The following DNAJC3 variants were observed in gnomAD, a reference collection of about 807,000 sequenced individuals.
DNAJC3 encodes DnaJ heat shock protein family (Hsp40) member C3.
A neutral mutation model predicts 68.6 loss-of-function variants in DNAJC3; 38 were observed. The observed-to-expected ratio is 0.55, with a 90% CI of 0.43 to 0.73. DNAJC3 has a LOEUF of 0.73. Ranked by LOEUF, DNAJC3 falls within the 30% of genes least tolerant of loss-of-function variation. The probability of loss-of-function intolerance (pLI) is 0.00; values close to 1 mark genes in which losing one functional copy is unlikely to be tolerated. For missense variants in DNAJC3, 526 were observed against 591.9 expected, an observed-to-expected ratio of 0.89 and a Z score of 1.16; for synonymous variants, 203 against 204.0, an observed-to-expected ratio of 1.00 and a Z score of 0.04.
intron 1 of DNAJC3, among the ~76,000 whole-genome samples, chr13:95,680,422 C>T (rs1879882621): frequency 6.6e-6 from 1 of 152,054 alleles, no homozygotes; most frequent in African/African-American, 2.4e-5. Context: ...TTGAACCTAA[C>T]CTATTAAAGG....
intron 9 of DNAJC3, 24 bp from the exon 10 acceptor site, chr13:95,785,915 A>G (rs1452420507): frequency 6.4e-7 from 1 of 1,553,360 alleles, no homozygotes; most frequent in African/African-American, 1.4e-5. Context: ...CCTTAACAAT[A>G]TTATCTTAAA....
At chr13:95,694,239 A>G (rs1279974403) in intron 1 of DNAJC3, 1 of 152,528 alleles carries the variant, frequency 6.6e-6, no homozygotes, top group Non-Finnish European at 1.5e-5. Context: ...TTCCTCAAAT[A>G]TCATATTTGA....
chr13:95,708,217 C>A (rs76207658), intron 1 of DNAJC3, among the ~76,000 whole-genome samples: 3,295 of 152,298 alleles, frequency 0.022, 57 homozygotes, highest in Middle Eastern at 0.085. Flanking sequence ...ACTGACAAAG[C>A]ATAACATTGT....
At chr13:95,752,323 T>A (rs1458744644) in intron 4 of DNAJC3, among the ~76,000 whole-genome samples, 1 of 152,232 alleles carries the variant, frequency 6.6e-6, no homozygotes, top group African/African-American at 2.4e-5. Context: ...GTTAATGTAT[T>A]TTTTGTGTAA....
intron 1 of DNAJC3, among the ~76,000 whole-genome samples, chr13:95,705,735 C>T (rs1374422794): frequency 6.6e-6 from 1 of 152,064 alleles, no homozygotes; most frequent in Non-Finnish European, 1.5e-5. Context: ...GATGAGGTCT[C>T]ATTATGTTGC....
At chr13:95,788,761 C>T (rs1335192655) in intron 11 of DNAJC3, among the ~76,000 whole-genome samples, 2 of 152,184 alleles carry the variant, frequency 1.3e-5, no homozygotes, top group African/African-American at 4.8e-5. Flanking sequence ...GCCATTATCA[C>T]CCCCACCCCT....
intron 4 of DNAJC3, among the ~76,000 whole-genome samples, chr13:95,734,741 T>C (rs1281326096): frequency 1.3e-5 from 2 of 152,120 alleles, no homozygotes; most frequent in Non-Finnish European, 2.9e-5. Flanking sequence ...ATTTTTCTGA[T>C]TGGCTTATTT....
intron 4 of DNAJC3, among the ~76,000 whole-genome samples, chr13:95,753,281 G>A (rs1474164455): frequency 6.6e-6 from 1 of 151,884 alleles, no homozygotes. Context: ...CTCACCCCCT[G>A]ACTTGTATAC....
intron 2 of DNAJC3, among the ~76,000 whole-genome samples, chr13:95,720,766 C>T (rs948432843): frequency 4.6e-5 from 7 of 151,938 alleles, no homozygotes; most frequent in East Asian, 3.9e-4. Flanking sequence ...ATGTTAGTGA[C>T]GCTTAGCTGG....
chr13:95,735,648 G>A (rs1482850187), intron 4 of DNAJC3, among the ~76,000 whole-genome samples: 33 of 149,818 alleles, frequency 2.2e-4, no homozygotes, highest in South Asian at 6.4e-4. Context: ...CATGTCCTTC[G>A]CCCACTTTTT....
chr13:95,710,899 C>T (rs1477728714), intron 2 of DNAJC3, among the ~76,000 whole-genome samples: 1 of 151,944 alleles, frequency 6.6e-6, no homozygotes, highest in Non-Finnish European at 1.5e-5. Context: ...CCATTTTGCC[C>T]AGCCTGTCTC....
intron 4 of DNAJC3, among the ~76,000 whole-genome samples, chr13:95,755,648 T>G (rs1487723844): frequency 6.8e-6 from 1 of 147,986 alleles, no homozygotes; most frequent in Non-Finnish European, 1.5e-5. Flanking sequence ...TCCCAGCTAC[T>G]CAGGAGGCTG....
At chr13:95,744,204 T>C (rs1232413141) in intron 4 of DNAJC3, among the ~76,000 whole-genome samples, 3 of 152,190 alleles carry the variant, frequency 2.0e-5, no homozygotes, top group African/African-American at 7.2e-5. Flanking sequence ...TTAAAAAGTG[T>C]ATACCTAAGT....
intron 9 of DNAJC3, among the ~76,000 whole-genome samples, chr13:95,766,174 CA>C (rs1230045485): frequency 3.9e-5 from 6 of 152,028 alleles, no homozygotes; most frequent in African/African-American, 9.7e-5. Flanking sequence ...CTTAGATAAG[CA>C]ATTTAAAGTG....
Position 95,677,179 on chromosome 13 carries a change from C to T in DNAJC3, c.-77C>T, listed in dbSNP as rs1345853671. On this transcript the variant is annotated 5_prime_UTR_variant, in exon 1 of 12. Coordinates refer to ENST00000602402, the MANE Select transcript of DNAJC3 (RefSeq NM_006260.5). ...TGAGCGAGAGCCGACGGCGGGCGGG[C>T]GCAGCTGCTGCCGGAGCGCCGGCGC... The T allele has an allele frequency of 5.0e-6, 7 of 1,399,340 alleles. No individual in the cohort carries two copies. In the East Asian group the frequency reaches 1.3e-4, roughly 27 times the overall value. The allele number at this position is 1,399,340 out of a possible 1,614,324, so 86.7% of individuals were successfully genotyped here.
intron 9 of DNAJC3, among the ~76,000 whole-genome samples, chr13:95,776,737 C>T (rs1883302823): frequency 6.6e-6 from 1 of 152,174 alleles, no homozygotes; most frequent in African/African-American, 2.4e-5. Context: ...CCTCCTCTTC[C>T]TCACTGTTCT....
At chr13:95,780,506 T>C (rs1465478545) in intron 9 of DNAJC3, among the ~76,000 whole-genome samples, 1 of 152,226 alleles carries the variant, frequency 6.6e-6, no homozygotes, top group Non-Finnish European at 1.5e-5. Context: ...CCATTTGGCT[T>C]TCTCACTATT....
At position 95,716,823 on chromosome 13, in the gene DNAJC3, T is replaced by C. The variant is rs376036057; in HGVS notation, c.194-6419T>C. Reference sequence around the variant, plus strand: ...GTGTCTGCTTAAGGTCTCTGATTTATATGGGCACAGTATGGGGTGCGTGGC... The same window carrying C: ...GTGTCTGCTTAAGGTCTCTGATTTACATGGGCACAGTATGGGGTGCGTGGC... On this transcript the variant is annotated intron_variant, in intron 2 of 11. Transcript: ENST00000602402. Among the ~76,000 whole-genome samples the C allele has an allele frequency of 9.2e-5, 14 of 152,316 alleles. No individual in the cohort carries two copies. In the South Asian group the frequency reaches 2.7e-3, roughly 29 times the overall value.
At chr13:95,709,954 G>T (rs905078395) in intron 2 of DNAJC3, among the ~76,000 whole-genome samples, 1 of 152,128 alleles carries the variant, frequency 6.6e-6, no homozygotes, top group African/African-American at 2.4e-5. Context: ...CTGACTTTTT[G>T]AACAGATTTT....
Sources: allele counts gnomAD v4.1 joint callset (sites outside exome capture counted in the v4.1 genomes callset), GRCh38; gene constraint gnomAD v4.1.1; transcripts MANE v1.5; gene names NCBI Gene and HGNC (gene_info 2026-07-23, HGNC 2026-07-21).